AMOTL1: variants seen among roughly 807,000 people sequenced by gnomAD.
AMOTL1 encodes angiomotin like 1, also known as angiomotin-like protein 1.
A neutral mutation model predicts 102.9 loss-of-function variants in AMOTL1; 45 were observed. That is an observed-to-expected ratio of 0.44 (90% CI 0.34 to 0.56). The LOEUF is 0.56. Ranked by LOEUF, AMOTL1 falls within the 20% of genes least tolerant of loss-of-function variation. The pLI is 0.01. For synonymous variants in AMOTL1, 481 were observed against 484.7 expected (o/e 0.99, Z 0.10); for missense variants, 1,114 against 1,225.6 (o/e 0.91, Z 1.36).
chr11:94,795,458 C>T (rs73516103), intron 2 of AMOTL1, among the ~76,000 whole-genome samples: 3,712 of 152,230 alleles, frequency 0.024, 147 homozygotes, highest in African/African-American at 0.086. Context: ...ATACTTTTTT[C>T]TCCCCTTTCT....
At chr11:94,840,654 GTATATATATATATATATATA>G (rs551220386) in intron 6 of AMOTL1, among the ~76,000 whole-genome samples, 2 of 111,288 alleles carry the variant, frequency 1.8e-5, no homozygotes, top group Admixed American at 1.8e-4. Context: ...CTTAAAAAAC[GTATATATATATATATATATA>G]TATATATACA....
Position 94,819,368 on chromosome 11 carries a change from A to C in AMOTL1, c.1122-2162A>C, listed in dbSNP as rs74340247. ...CCCCACAAGGAAACTCCTTGTGGAC[A>C]TAGGACAGACACAACACAAAGTCAT... On this transcript the variant is annotated intron_variant, in intron 3 of 12. Coordinates refer to ENST00000433060, the MANE Select transcript of AMOTL1 (RefSeq NM_130847.3). Among the ~76,000 whole-genome samples the C allele has an allele frequency of 3.2e-4, 49 of 152,330 alleles. No individual in the cohort carries two copies. In the East Asian group the frequency reaches 9.4e-3, roughly 29 times the overall value.
intron 4 of AMOTL1, among the ~76,000 whole-genome samples, chr11:94,828,678 G>A (rs1003664232): frequency 6.6e-6 from 1 of 152,178 alleles, no homozygotes; most frequent in Non-Finnish European, 1.5e-5. Flanking sequence ...AAAAACACCT[G>A]ACATGTAAGC....
chr11:94,836,760 C>CTTT (rs200404531), intron 6 of AMOTL1, among the ~76,000 whole-genome samples: 1 of 140,830 alleles, frequency 7.1e-6, no homozygotes, highest in Non-Finnish European at 1.6e-5. Context: ...TTCCTTCCTT[C>CTTT]TTTTTTTTTT....
chr11:94,816,722 C>T (rs1408586851), intron 3 of AMOTL1, among the ~76,000 whole-genome samples: 2 of 152,076 alleles, frequency 1.3e-5, no homozygotes, highest in Admixed American at 1.3e-4. Context: ...AAACAGGACA[C>T]CAAGTCCTCT....
intron 1 of AMOTL1, among the ~76,000 whole-genome samples, chr11:94,775,015 T>A (rs1354231212): frequency 2.6e-5 from 4 of 152,246 alleles, no homozygotes; most frequent in Non-Finnish European, 5.9e-5. Context: ...GCTACCATAT[T>A]GCCTTGGTAA....
Position 94,875,205 on chromosome 11 carries a change from C to G in AMOTL1, c.*4410C>G, listed in dbSNP as rs1592059267. ...ATGAGTTTGCCTCTGACGTGTGGCT[C>G]CATGGGAGATAGGCAAAGTAATTAA... On this transcript the variant is annotated 3_prime_UTR_variant, in exon 13 of 13. Coordinates refer to ENST00000433060, the MANE Select transcript of AMOTL1 (RefSeq NM_130847.3). The G allele has an allele frequency of 6.6e-6, 1 of 152,162 alleles. No homozygotes were observed. The highest frequency in any genetic ancestry group is 1.5e-5 in the Non-Finnish European group (1 of 68,036). The allele number at this position is 152,162 out of a possible 1,614,324, so 9.4% of individuals were successfully genotyped here. A position where few individuals can be genotyped will look rare whatever the true frequency, so the allele number is the denominator to read the frequency against.
Position 94,866,067 on chromosome 11 carries a change from C to T in AMOTL1, c.2387C>T (p.Ser796Phe). ...SSLRPARSVP[S>F]IAAATGTHSR... ...CTACGTCCTGCCCGCTCCGTTCCATCCATAGCAGCAGCTACTGGGACACAC... is the reference window on the plus strand; with the variant it reads ...CTACGTCCTGCCCGCTCCGTTCCATTCATAGCAGCAGCTACTGGGACACAC... Residue 796 changes from serine to phenylalanine, a missense_variant, in exon 11 of 13, where the codon TCC (serine) becomes TTC (phenylalanine). By Grantham distance (155) the Ser-to-Phe change is radical (BLOSUM62 -2). Coordinates refer to ENST00000433060, the MANE Select transcript of AMOTL1 (RefSeq NM_130847.3). 6.2e-7 allele frequency: 1 copy of T among 1,614,006 alleles called. No individual in the cohort carries two copies. The highest frequency in any genetic ancestry group is 8.5e-7 in the Non-Finnish European group (1 of 1,179,900).
chr11:94,795,000 C>A lies in AMOTL1; in HGVS notation c.50-11C>A. ...TGGGCACTCATATTCACTTCGCTTT[C>A]TTTCCCCCAGGGTCCCCTTCTGCTT... On this transcript the variant is annotated splice_polypyrimidine_tract_variant and intron_variant, in intron 1 of 12. Transcript: ENST00000433060. 1 of 1,599,294 alleles carries A rather than the reference C, an allele frequency of 6.3e-7. No individual in the cohort carries two copies. The highest frequency in any genetic ancestry group is 1.1e-5 in the South Asian group (1 of 87,582).
intron 1 of AMOTL1, among the ~76,000 whole-genome samples, chr11:94,781,929 A>G (rs934587049): frequency 6.6e-6 from 1 of 152,244 alleles, no homozygotes; most frequent in Non-Finnish European, 1.5e-5. Flanking sequence ...TAGTCAGTCA[A>G]TTAGTCAGAT....
intron 3 of AMOTL1, among the ~76,000 whole-genome samples, chr11:94,742,862 A>G (rs368176229): frequency 5.5e-4 from 84 of 152,302 alleles, no homozygotes; most frequent in African/African-American, 1.9e-3. Flanking sequence ...TGTCCTCAAC[A>G]TGGCAGAAAA....
chr11:94,712,276 TG>T (rs1159897747), intron 1 of AMOTL1, among the ~76,000 whole-genome samples: 2 of 152,034 alleles, frequency 1.3e-5, no homozygotes, highest in Non-Finnish European at 2.9e-5. Context: ...CCCCAATAAA[TG>T]GGATAGCTGG....
Position 94,768,362 on chromosome 11 carries a change from C to T in AMOTL1, c.-150C>T. On this transcript the variant is annotated 5_prime_UTR_variant, in exon 1 of 13. Transcript: ENST00000433060. ...GAGCGCGGACGGCGGCGGGAGCGCGCGAGAAGCTCTAGGACCCAGCAGCGG... is the reference window on the plus strand; with the variant it reads ...GAGCGCGGACGGCGGCGGGAGCGCGTGAGAAGCTCTAGGACCCAGCAGCGG... The T allele has an allele frequency of 7.2e-7, 1 of 1,386,322 alleles. No individual in the cohort carries two copies. Among genetic ancestry groups the T allele is most frequent in the Non-Finnish European group, 9.3e-7 (1 of 1,071,704 alleles). 85.9% of individuals were successfully genotyped at this position (1,386,322 alleles called of 1,614,324 possible).
chr11:94,861,927 A>G (rs1229507933), intron 9 of AMOTL1, among the ~76,000 whole-genome samples: 5 of 152,100 alleles, frequency 3.3e-5, no homozygotes, highest in African/African-American at 1.2e-4. Flanking sequence ...GAGGAGAACC[A>G]GACCCAGTCA....
At chr11:94,802,583 AG>A (rs1437012339) in intron 3 of AMOTL1, among the ~76,000 whole-genome samples, 2 of 152,220 alleles carry the variant, frequency 1.3e-5, no homozygotes, top group African/African-American at 4.8e-5. Context: ...GACGTTAGAA[AG>A]AAGAAGAAAT....
chr11:94,763,162 G>A (rs780203935), intron 3 of AMOTL1, among the ~76,000 whole-genome samples: 2 of 152,182 alleles, frequency 1.3e-5, no homozygotes, highest in African/African-American at 2.4e-5. Flanking sequence ...AACTACACAA[G>A]TGTCGTACCT....
intron 6 of AMOTL1, among the ~76,000 whole-genome samples, chr11:94,844,001 G>A (rs1483659282): frequency 2.0e-5 from 3 of 151,994 alleles, no homozygotes; most frequent in Non-Finnish European, 2.9e-5. Flanking sequence ...CTCCCTACTC[G>A]GCCTCTCCTT....
Position 94,831,407 on chromosome 11 carries a change from C to T in AMOTL1, c.1559-45C>T, listed in dbSNP as rs766699283. On this transcript the variant is annotated intron_variant, in intron 5 of 12. Transcript: ENST00000433060. ...TCATTTCTTGGTTAGATGATGACTT[C>T]AATCCATATACATTTCTTTGTAATC... 3.6e-5 allele frequency: 54 copies of T among 1,482,868 alleles called. No individual in the cohort carries two copies. The East Asian group carries it at 1.2e-3, about 32-fold the overall frequency. The allele number at this position is 1,482,868 out of a possible 1,614,324, so 91.9% of individuals were successfully genotyped here. A position where few individuals can be genotyped will look rare whatever the true frequency, so the allele number is the denominator to read the frequency against.
chr11:94,867,517 G>A (rs528714140), intron 11 of AMOTL1, among the ~76,000 whole-genome samples: 13 of 152,304 alleles, frequency 8.5e-5, no homozygotes, highest in African/African-American at 2.4e-4. Flanking sequence ...CCTGGGAGCC[G>A]GAGGACTTGT....
Sources: allele counts gnomAD v4.1 joint callset (sites outside exome capture counted in the v4.1 genomes callset), GRCh38; gene constraint gnomAD v4.1.1; transcripts MANE v1.5; gene names NCBI Gene and HGNC (gene_info 2026-07-23, HGNC 2026-07-21).